The following FARSB variants were observed in gnomAD, a reference collection of about 807,000 sequenced individuals.
FARSB encodes phenylalanyl-tRNA synthetase subunit beta.
FARSB carries 40 observed loss-of-function variants against 69.6 expected under a neutral mutation model. The ratio of observed to expected loss-of-function variants is 0.57; its 90% CI spans 0.45 to 0.75. The LOEUF (loss-of-function observed/expected upper bound fraction) is 0.75. Among genes scored for constraint, FARSB ranks in the 30% least tolerant of loss-of-function variants. The pLI is 0.00. For synonymous variants in FARSB, 235 were observed against 247.2 expected, an observed-to-expected ratio of 0.95 and a Z score of 0.46; for missense variants, 632 against 722.9, an observed-to-expected ratio of 0.87 and a Z score of 1.44.
At position 222,567,482 on chromosome 2, in the gene FARSB, C is replaced by G. The variant is rs1255084894; in HGVS notation, c.*4389G>C. The G allele has an allele frequency of 2.0e-5, 3 of 152,158 alleles. No homozygotes were observed. Among genetic ancestry groups the G allele is most frequent in the Non-Finnish European group, 4.4e-5 (3 of 68,048 alleles). The allele number at this position is 152,158 out of a possible 1,614,324, so 9.4% of individuals were successfully genotyped here. ...GCACAAATAGATTAAGATTGAGAAG[C>G]AAGATTGTGAGTAATGTTCTCTCTT... is the stretch of plus-strand genomic sequence containing the variant. On this transcript the variant is annotated 3_prime_UTR_variant, in exon 17 of 17. Transcript: ENST00000281828.
rs547331190 is a variant in FARSB at position 222,608,259 on chromosome 2, T to A, written c.1462+5552A>T. Among the ~76,000 whole-genome samples, 18 of 152,266 alleles carry A rather than the reference T, an allele frequency of 1.2e-4. No individual in the cohort carries two copies. In the East Asian group the frequency reaches 3.3e-3, roughly 28 times the overall value. On this transcript the variant is annotated intron_variant, in intron 15 of 16. Transcript: ENST00000281828. ...ATAAGCTCTCTTTGGAAAACCACAT[T>A]CCACATGTGGACGCTAGATAATCCT...
rs185987558 is a variant in FARSB, at chr2:222,606,093, C to T, written c.1463-6010G>A. On this transcript the variant is annotated intron_variant, in intron 15 of 16. Transcript: ENST00000281828. ...GATTTCTAGGGCTTTGTATTAAGCC[C>T]ACCGTAATAATTAGATTAACCTCAT... Among the ~76,000 whole-genome samples the T allele has an allele frequency of 2.4e-3, 366 of 152,112 alleles. 1 individual carries two copies. The highest frequency in any genetic ancestry group is 8.9e-3 in the South Asian group (43 of 4,808).
At position 222,642,540 on chromosome 2, in the gene FARSB, C is replaced by G. The variant is rs142164658; in HGVS notation, c.269+311G>C. On this transcript the variant is annotated intron_variant, in intron 3 of 16. Transcript: ENST00000281828. ...CTTTTAACACATCCAGTGAACTACTCATTCCAATTAGATCACGGAGGGGAA... is the reference window on the plus strand; with the variant it reads ...CTTTTAACACATCCAGTGAACTACTGATTCCAATTAGATCACGGAGGGGAA... Among the ~76,000 whole-genome samples the G allele has an allele frequency of 2.3e-3, 357 of 152,340 alleles. 1 individual carries two copies. The highest frequency in any genetic ancestry group is 3.9e-3 in the Admixed American group (59 of 15,300).
intron 16 of FARSB, among the ~76,000 whole-genome samples, chr2:222,583,362 T>G (rs931064338): frequency 3.3e-5 from 5 of 152,212 alleles, no homozygotes; most frequent in African/African-American, 1.2e-4. Flanking sequence ...GCTACAACCT[T>G]AATTAAGTGA....
intron 15 of FARSB, among the ~76,000 whole-genome samples, chr2:222,603,495 ACTAT>A (rs986985138): frequency 2.0e-5 from 3 of 151,790 alleles, no homozygotes; most frequent in Admixed American, 6.6e-5. Flanking sequence ...CTAGGTATTA[ACTAT>A]CTGTCAATTT....
At chr2:222,651,875 G>A (rs1234757984) in intron 1 of FARSB, among the ~76,000 whole-genome samples, 2 of 152,132 alleles carry the variant, frequency 1.3e-5, no homozygotes, top group East Asian at 3.8e-4. Flanking sequence ...TGCTTTCTAG[G>A]GATCACTCAG....
chr2:222,580,912 T>G (rs1689952027), intron 16 of FARSB, among the ~76,000 whole-genome samples: 1 of 151,964 alleles, frequency 6.6e-6, no homozygotes, highest in African/African-American at 2.4e-5. Context: ...TAGAGGAAAG[T>G]ACAACTATAA....
chr2:222,647,148 A>G (rs764130281), intron 2 of FARSB, among the ~76,000 whole-genome samples: 3 of 152,218 alleles, frequency 2.0e-5, no homozygotes, highest in Non-Finnish European at 4.4e-5. Context: ...TGGACAGCAC[A>G]AGTGGCAAAA....
intron 15 of FARSB, among the ~76,000 whole-genome samples, chr2:222,608,308 T>C (rs1690759167): frequency 6.6e-6 from 1 of 152,176 alleles, no homozygotes. Flanking sequence ...GCTCCAGAAT[T>C]ACTGGATAAT....
At chr2:222,620,481 C>T (rs1441190444) in intron 13 of FARSB, among the ~76,000 whole-genome samples, 7 of 152,274 alleles carry the variant, frequency 4.6e-5, no homozygotes, top group African/African-American at 7.2e-5. Flanking sequence ...AGATGCTTGC[C>T]ACCCTCAGAA....
Position 222,628,819 on chromosome 2 carries a change from C to A in FARSB, c.900+18G>T, listed in dbSNP as rs774417007. 3 of 1,537,230 alleles carry A rather than the reference C, an allele frequency of 2.0e-6. No homozygotes were observed. Among genetic ancestry groups the A allele is most frequent in the Non-Finnish European group, 2.7e-6 (3 of 1,111,764 alleles). On this transcript the variant is annotated intron_variant, in intron 10 of 16. Coordinates refer to ENST00000281828, the MANE Select transcript of FARSB (RefSeq NM_005687.5). ...AGCATTGTTGTCATAATCATGAAGT[C>A]ATTTCTTAAGCACTTACTGGAAAGG...
chr2:222,644,632 A>C, intron 2 of FARSB: 1 of 407,062 alleles, frequency 2.5e-6, no homozygotes, highest in Admixed American at 2.6e-5. Context: ...TTTCAGCAGC[A>C]CCCCCTTATC....
At chr2:222,578,721 T>A (rs1559187933) in intron 16 of FARSB, among the ~76,000 whole-genome samples, 1 of 151,410 alleles carries the variant, frequency 6.6e-6, no homozygotes, top group Non-Finnish European at 1.5e-5. Context: ...AGCTCATGCC[T>A]GTAATCCCAG....
chr2:222,593,143 T>C (rs942958445), intron 16 of FARSB, among the ~76,000 whole-genome samples: 10 of 152,192 alleles, frequency 6.6e-5, no homozygotes, highest in Admixed American at 1.3e-4. Context: ...GTATTCATTA[T>C]GTTATAGCAC....
chr2:222,580,097 T>C (rs1262117432), intron 16 of FARSB, among the ~76,000 whole-genome samples: 1 of 151,900 alleles, frequency 6.6e-6, no homozygotes, highest in East Asian at 1.9e-4. Context: ...TCATTACATA[T>C]AAGTAAATAT....
At chr2:222,625,310 G>A (rs1008543246) in intron 10 of FARSB, among the ~76,000 whole-genome samples, 1 of 152,162 alleles carries the variant, frequency 6.6e-6, no homozygotes, top group Non-Finnish European at 1.5e-5. Flanking sequence ...TATTAGTGAG[G>A]TGAGAACACA....
intron 1 of FARSB, among the ~76,000 whole-genome samples, chr2:222,649,866 G>A (rs1009467989): frequency 4.6e-5 from 7 of 152,128 alleles, no homozygotes; most frequent in African/African-American, 1.2e-4. Flanking sequence ...ATATTCTAGC[G>A]AAAACTGGTC....
intron 5 of FARSB, among the ~76,000 whole-genome samples, chr2:222,636,231 C>G (rs1169212558): frequency 1.3e-5 from 2 of 151,520 alleles, no homozygotes; most frequent in African/African-American, 4.8e-5. Flanking sequence ...ATGGTGAAAC[C>G]CCGTCTCTAC....
Position 222,639,638 on chromosome 2 carries a change from T to C in FARSB, c.397A>G (p.Lys133Glu), listed in dbSNP as rs1398305295. ...TCAATGAAGCTGTCATATCGATCTT[T>C]AGTAAACTTTATATTACGGAGAACT... The part of the protein sequence containing the change: ...AAVLRNIKFT[K>E]DRYDSFIELQ... The change falls in exon 5 of 17, where the codon AAA (lysine) becomes GAA (glutamate). Residue 133 changes from lysine (K) to glutamate (E), a missense_variant. Lys to Glu is a moderately conservative substitution (Grantham distance 56). Transcript: ENST00000281828. 4.4e-6 allele frequency: 7 copies of C among 1,596,422 alleles called. 1 individual carries two copies. In the South Asian group the frequency reaches 5.7e-5, roughly 13 times the overall value.
Sources: gnomAD v4.1 joint callset for allele counts (sites outside exome capture counted in the v4.1 genomes callset) on GRCh38, gnomAD v4.1.1 for gene constraint, MANE v1.5 for transcripts, NCBI Gene and HGNC (gene_info 2026-07-23, HGNC 2026-07-21) for gene names.